The following RAD21L1 variants were observed in gnomAD, a reference collection of about 807,000 sequenced individuals.
RAD21L1 encodes double-strand-break repair protein rad21-like protein 1.
In RAD21L1, 47 loss-of-function variants were observed where a neutral mutation model predicts 69.0. That is an observed-to-expected ratio of 0.68 (90% CI 0.54 to 0.87). The LOEUF is 0.87. Ranked by LOEUF, RAD21L1 falls within the 40% of genes least tolerant of loss-of-function variation. RAD21L1 has a pLI of 0.00. For missense variants in RAD21L1, 583 were observed against 647.6 expected (o/e 0.90, Z 1.08); for synonymous variants, 177 against 205.8 (o/e 0.86, Z 1.20).
At chr20:1,253,356 G>T (rs140181781) in intron 13 of RAD21L1, among the ~76,000 whole-genome samples, 1 of 152,166 alleles carries the variant, frequency 6.6e-6, no homozygotes, top group African/African-American at 2.4e-5. Flanking sequence ...GAGTGCAGTG[G>T]CATGATCTCG....
chr20:1,232,697 A>G (rs1180826520), intron 4 of RAD21L1, among the ~76,000 whole-genome samples: 1 of 152,168 alleles, frequency 6.6e-6, no homozygotes, highest in Non-Finnish European at 1.5e-5. Flanking sequence ...TTTGCATATA[A>G]GTTTTGGGAT....
intron 5 of RAD21L1, among the ~76,000 whole-genome samples, chr20:1,237,384 G>C (rs892096477): frequency 3.9e-5 from 6 of 152,150 alleles, no homozygotes; most frequent in Non-Finnish European, 8.8e-5. Flanking sequence ...GTGTGACTGT[G>C]TGCAAGTTAC....
intron 7 of RAD21L1, 144 bp from the exon 8 acceptor site, chr20:1,240,177 A>AT: frequency 7.4e-7 from 1 of 1,353,834 alleles, no homozygotes; most frequent in Non-Finnish European, 9.5e-7. Flanking sequence ...GCTCTATTAA[A>AT]TAAATGGTTC....
chr20:1,250,059 A>G (rs2087796749), intron 13 of RAD21L1, among the ~76,000 whole-genome samples: 2 of 140,012 alleles, frequency 1.4e-5, no homozygotes, highest in South Asian at 4.9e-4. Context: ...CTTGTGTCCA[A>G]GTGTTCTCAT....
intron 5 of RAD21L1, 45 bp downstream of exon 5, chr20:1,234,236 T>C (rs749041115): frequency 2.9e-5 from 25 of 869,148 alleles, no homozygotes; most frequent in Non-Finnish European, 4.7e-5. Context: ...TAATCAATTA[T>C]ATTTGTATTT....
intron 7 of RAD21L1, 75 bp from the exon 8 acceptor site, chr20:1,240,246 T>TA: frequency 7.0e-7 from 1 of 1,424,772 alleles, no homozygotes; most frequent in East Asian, 2.7e-5. Flanking sequence ...TCTTTATCTT[T>TA]AATTCTCATA....
intron 4 of RAD21L1, among the ~76,000 whole-genome samples, chr20:1,232,163 A>G (rs1042413401): frequency 6.6e-6 from 1 of 152,168 alleles, no homozygotes; most frequent in Non-Finnish European, 1.5e-5. Context: ...AGCAGGACAC[A>G]CTGGACATTT....
At chr20:1,236,347 A>G (rs1001706476) in intron 5 of RAD21L1, among the ~76,000 whole-genome samples, 8 of 152,272 alleles carry the variant, frequency 5.3e-5, no homozygotes, top group Non-Finnish European at 8.8e-5. Context: ...TTGGGTCCCT[A>G]TAACTTACTG....
chr20:1,242,786 G>A lies in RAD21L1; in HGVS notation c.1024G>A (p.Gly342Arg), dbSNP rs2087639145. 6.4e-7 allele frequency: 1 copy of A among 1,551,524 alleles called. No individual in the cohort carries two copies. The highest frequency in any genetic ancestry group is 8.7e-7 in the Non-Finnish European group (1 of 1,146,892). The stretch of plus-strand genomic sequence containing the variant: ...ATTGATGATGTGGAAGAAGAGGGGA[G>A]GAGTGCATACACTTCTGTCAACTGC... Reference protein sequence around the residue: ...QRLMMWKKRGGVHTLLSTAAQ... With the variant: ...QRLMMWKKRGRVHTLLSTAAQ... Residue 342 changes from glycine (G) to arginine (R), a missense_variant, in exon 9 of 14, where the codon GGA becomes AGA. Transcript: ENST00000683101.
chr20:1,252,920 A>G (rs2087864052), intron 13 of RAD21L1, among the ~76,000 whole-genome samples: 1 of 152,116 alleles, frequency 6.6e-6, no homozygotes, highest in Non-Finnish European at 1.5e-5. Context: ...CCTTCATTTC[A>G]GAAGGGTTTC....
At chr20:1,230,703 G>A (rs980909804) in intron 3 of RAD21L1, 1 of 520,508 alleles carries the variant, frequency 1.9e-6, no homozygotes, top group South Asian at 8.5e-5. Context: ...GTTGAATCAG[G>A]ATTGACAGAT....
intron 13 of RAD21L1, 32 bp from the exon 14 acceptor site, chr20:1,254,237 A>C: frequency 1.4e-6 from 2 of 1,390,550 alleles, no homozygotes; most frequent in Non-Finnish European, 1.9e-6. Flanking sequence ...CTTGTTTCCC[A>C]TTTCTTTTTT....
At chr20:1,252,302 G>A (rs2087850303) in intron 13 of RAD21L1, among the ~76,000 whole-genome samples, 1 of 152,188 alleles carries the variant, frequency 6.6e-6, no homozygotes, top group African/African-American at 2.4e-5. Context: ...ATACGCATGA[G>A]TAGGGGTTGT....
chr20:1,238,054 T>C lies in RAD21L1; in HGVS notation c.486T>C (p.Ser162=). 2.0e-6 allele frequency: 3 copies of C among 1,502,214 alleles called. No homozygotes were observed. The highest frequency in any genetic ancestry group is 2.7e-6 in the Non-Finnish European group (3 of 1,111,868). The allele number at this position is 1,502,214 out of a possible 1,614,324, so 93.1% of individuals were successfully genotyped here. Reference sequence around the variant, plus strand: ...TATATATTTATTTAGGGGAGGAATCTGAAATTCTCAGAAGACATAGCTTCT... The same window carrying C: ...TATATATTTATTTAGGGGAGGAATCCGAAATTCTCAGAAGACATAGCTTCT... The part of the protein sequence containing the change: ...IFQAESFGEE[S]EILRRHSFFD... Residue 162 remains serine, a synonymous_variant, in exon 6 of 14, where the codon TCT becomes TCC. Transcript: ENST00000683101.
At chr20:1,230,301 T>C (rs551078105) in intron 3 of RAD21L1, among the ~76,000 whole-genome samples, 1 of 152,290 alleles carries the variant, frequency 6.6e-6, no homozygotes, top group Admixed American at 6.5e-5. Flanking sequence ...TTTTAATGGG[T>C]CATTTAGTTT....
chr20:1,226,386 TCA>T (rs949824022), intron 1 of RAD21L1: 2 of 152,254 alleles, frequency 1.3e-5, no homozygotes, highest in African/African-American at 4.8e-5. Flanking sequence ...CGCTGTGGCC[TCA>T]GTTTCCCTCT....
At chr20:1,252,728 T>C (rs1166493071) in intron 13 of RAD21L1, among the ~76,000 whole-genome samples, 1 of 150,732 alleles carries the variant, frequency 6.6e-6, no homozygotes, top group East Asian at 1.9e-4. Context: ...CCCCAGTTTA[T>C]GACACACTGA....
intron 13 of RAD21L1, among the ~76,000 whole-genome samples, chr20:1,249,644 A>G (rs1381028507): frequency 6.6e-6 from 1 of 152,204 alleles, no homozygotes; most frequent in African/African-American, 2.4e-5. Flanking sequence ...ACTTAGTCAC[A>G]TTGACGCATC....
At chr20:1,250,775 T>TA (rs1265708569) in intron 13 of RAD21L1, among the ~76,000 whole-genome samples, 2 of 152,202 alleles carry the variant, frequency 1.3e-5, no homozygotes, top group South Asian at 2.1e-4. Flanking sequence ...ACTCAGACAA[T>TA]ATGACCAAAC....
Sources: allele counts gnomAD v4.1 joint callset (sites outside exome capture counted in the v4.1 genomes callset), GRCh38; gene constraint gnomAD v4.1.1; transcripts MANE v1.5; gene names NCBI Gene and HGNC (gene_info 2026-07-23, HGNC 2026-07-21).